TTC29: variants seen among roughly 807,000 people sequenced by gnomAD.
The protein encoded by TTC29 is tetratricopeptide repeat domain 29.
A neutral mutation model predicts 58.1 loss-of-function variants in TTC29; 49 were observed. The observed-to-expected ratio is 0.84, with a 90% CI of 0.67 to 1.07. TTC29 has a LOEUF of 1.07. Ranked by LOEUF, TTC29 falls within the 50% of genes least tolerant of loss-of-function variation. TTC29 has a pLI of 0.00. For synonymous variants in TTC29, 209 were observed against 196.8 expected (o/e 1.06, Z -0.52); for missense variants, 582 against 555.6 (o/e 1.05, Z -0.48).
At chr4:146,724,115 T>C (rs1743586315) in intron 11 of TTC29, among the ~76,000 whole-genome samples, 1 of 152,172 alleles carries the variant, frequency 6.6e-6, no homozygotes, top group African/African-American at 2.4e-5. Context: ...AGTGAATTAA[T>C]GCAGGAACAG....
intron 8 of TTC29, among the ~76,000 whole-genome samples, chr4:146,838,115 A>G (rs1195751430): frequency 6.6e-6 from 1 of 152,040 alleles, no homozygotes; most frequent in Non-Finnish European, 1.5e-5. Context: ...TTCAGAGAAA[A>G]CAGACTATCT....
chr4:146,782,307 G>T (rs2150089235), intron 11 of TTC29, among the ~76,000 whole-genome samples: 1 of 151,374 alleles, frequency 6.6e-6, no homozygotes, highest in East Asian at 1.9e-4. Context: ...GTTATTTAGT[G>T]TATTATTTAA....
chr4:146,795,476 G>A (rs1449693304), intron 11 of TTC29, among the ~76,000 whole-genome samples: 3 of 152,140 alleles, frequency 2.0e-5, no homozygotes, highest in Non-Finnish European at 4.4e-5. Flanking sequence ...AATTTGTAAA[G>A]CGATATTTGT....
At chr4:146,760,865 C>CTATA (rs34185770) in intron 11 of TTC29, among the ~76,000 whole-genome samples, 20 of 97,864 alleles carry the variant, frequency 2.0e-4, no homozygotes, top group South Asian at 6.2e-4. Flanking sequence ...TGATGGAATA[C>CTATA]TATATATATA....
intron 11 of TTC29, among the ~76,000 whole-genome samples, chr4:146,770,761 T>C (rs1026322263): frequency 2.0e-5 from 3 of 151,990 alleles, no homozygotes; most frequent in Non-Finnish European, 4.4e-5. Flanking sequence ...TTTTCTAATG[T>C]GTAAAATGGA....
At chr4:146,779,178 TTGTA>T (rs1748380272) in intron 11 of TTC29, among the ~76,000 whole-genome samples, 1 of 151,978 alleles carries the variant, frequency 6.6e-6, no homozygotes, top group South Asian at 2.1e-4. Context: ...TCCAGAATTA[TTGTA>T]TGAAGACTTT....
intron 9 of TTC29, among the ~76,000 whole-genome samples, chr4:146,832,634 A>G (rs975966187): frequency 7.0e-6 from 1 of 142,474 alleles, no homozygotes; most frequent in African/African-American, 2.6e-5. Context: ...TCCATGGCCA[A>G]CTAATTTTGT....
intron 11 of TTC29, among the ~76,000 whole-genome samples, chr4:146,723,038 G>A (rs1308083241): frequency 6.6e-6 from 1 of 152,130 alleles, no homozygotes; most frequent in Non-Finnish European, 1.5e-5. Context: ...CCTGAGGTCA[G>A]GGGTTCAAGA....
At position 146,829,301 on chromosome 4, in the gene TTC29, C is replaced by G. The variant is rs183465626; in HGVS notation, c.977+4505G>C. Among the ~76,000 whole-genome samples, 325 of 152,294 alleles carry G rather than the reference C, an allele frequency of 2.1e-3. 3 individuals are homozygous for G. Among genetic ancestry groups the G allele is most frequent in the Non-Finnish European group, 2.4e-3 (162 of 68,016 alleles). The stretch of plus-strand genomic sequence containing the variant: ...GTCCAATTATGTATATCACACTTGG[C>G]CTACTGTTTGCAGTAGAAGTAATCA... On this transcript the variant is annotated intron_variant, in intron 9 of 12. Coordinates refer to ENST00000325106, the MANE Select transcript of TTC29 (RefSeq NM_031956.4).
intron 6 of TTC29, among the ~76,000 whole-genome samples, chr4:146,898,899 AG>A (rs1317588482): frequency 1.3e-5 from 2 of 152,338 alleles, no homozygotes; most frequent in East Asian, 3.9e-4. Context: ...CTCACAAAGA[AG>A]GCTGGCCTCC....
In TTC29 at chr4:146,915,304, T is replaced by G. The variant is rs543913679; in HGVS notation, c.177-6055A>C. On this transcript the variant is annotated intron_variant, in intron 4 of 12. Coordinates refer to ENST00000325106, the MANE Select transcript of TTC29 (RefSeq NM_031956.4). ...TTTTATTTATTGCATTGATTAGGAA[T>G]TTGATGTTATTTGACAATTATGATG... is the stretch of plus-strand genomic sequence containing the variant. Among the ~76,000 whole-genome samples the G allele has an allele frequency of 6.6e-5, 10 of 152,252 alleles. No individual in the cohort carries two copies. In the East Asian group the frequency reaches 1.9e-3, roughly 29 times the overall value.
chr4:146,855,856 C>T (rs911982873), intron 8 of TTC29, among the ~76,000 whole-genome samples: 1 of 152,104 alleles, frequency 6.6e-6, no homozygotes, highest in Non-Finnish European at 1.5e-5. Flanking sequence ...TGAAGTATGA[C>T]CCACACACTT....
At chr4:146,934,221 C>T (rs1428319101) in intron 4 of TTC29, 1 of 152,202 alleles carries the variant, frequency 6.6e-6, no homozygotes, top group East Asian at 1.9e-4. Flanking sequence ...TTTAAGCGAT[C>T]TTAGCAGACA....
chr4:146,772,176 A>G (rs1185104907), intron 11 of TTC29, among the ~76,000 whole-genome samples: 1 of 152,088 alleles, frequency 6.6e-6, no homozygotes, highest in East Asian at 1.9e-4. Flanking sequence ...TAGTTTGCAA[A>G]TATATTCTCC....
chr4:146,919,567 T>A (rs745725569), intron 4 of TTC29, among the ~76,000 whole-genome samples: 3 of 151,046 alleles, frequency 2.0e-5, no homozygotes, highest in Non-Finnish European at 4.5e-5. Flanking sequence ...GTATTTATAA[T>A]TTCTATTAAC....
intron 11 of TTC29, among the ~76,000 whole-genome samples, chr4:146,778,139 T>C (rs1748250858): frequency 6.8e-6 from 1 of 147,512 alleles, no homozygotes; most frequent in African/African-American, 2.6e-5. Context: ...ATTTTATTTA[T>C]GTTCTTTATT....
At position 146,909,062 on chromosome 4, in the gene TTC29, G is replaced by A; in HGVS notation, c.364C>T (p.His122Tyr). 1.2e-6 allele frequency: 2 copies of A among 1,613,886 alleles called. No individual in the cohort carries two copies. Among genetic ancestry groups the A allele is most frequent in the Non-Finnish European group, 1.7e-6 (2 of 1,179,846 alleles). ...EQPDKLDYLYHYLTRAEDAER... is the reference protein window; with the variant it reads ...EQPDKLDYLYYYLTRAEDAER... ...GCGTCCTCAGCCCTGGTCAGGTAATGGTACAGGTAATCCAGTTTATCAGGC... is the reference window on the plus strand; with the variant it reads ...GCGTCCTCAGCCCTGGTCAGGTAATAGTACAGGTAATCCAGTTTATCAGGC... Residue 122 changes from histidine (H) to tyrosine (Y), a missense_variant, in exon 5 of 13, where the codon CAT (histidine) becomes TAT (tyrosine). Transcript: ENST00000325106.
intron 11 of TTC29, among the ~76,000 whole-genome samples, chr4:146,777,219 C>G (rs541568798): frequency 1.3e-5 from 2 of 152,224 alleles, no homozygotes; most frequent in East Asian, 3.9e-4. Context: ...TGGGAAAAAC[C>G]GCAATTGCTT....
intron 11 of TTC29, among the ~76,000 whole-genome samples, chr4:146,753,719 C>A (rs989533791): frequency 6.6e-6 from 1 of 152,158 alleles, no homozygotes. Context: ...GAATACTATG[C>A]AGCCATAAGA....
Sources: gnomAD v4.1 joint callset for allele counts (sites outside exome capture counted in the v4.1 genomes callset) on GRCh38, gnomAD v4.1.1 for gene constraint, MANE v1.5 for transcripts, NCBI Gene and HGNC (gene_info 2026-07-23, HGNC 2026-07-21) for gene names.